Variants in MCC observed in about 807,000 individuals in gnomAD.
MCC encodes the protein colorectal mutant cancer protein.
A neutral mutation model predicts 116.2 loss-of-function variants in MCC; 90 were observed. The observed-to-expected ratio is 0.77, with a 90% CI of 0.65 to 0.92. The LOEUF (loss-of-function observed/expected upper bound fraction) is 0.92, where lower values mean the gene tolerates loss of function less well. Ranked by LOEUF, MCC falls within the 40% of genes least tolerant of loss-of-function variation. The probability of loss-of-function intolerance (pLI) is 0.00; values close to 1 mark genes in which losing one functional copy is unlikely to be tolerated. For synonymous variants in MCC, 578 were observed against 510.5 expected, an observed-to-expected ratio of 1.13 and a Z score of -1.78; for missense variants, 1,516 against 1,312.2, an observed-to-expected ratio of 1.16 and a Z score of -2.40.
intron 2 of MCC, among the ~76,000 whole-genome samples, chr5:113,344,309 G>A (rs1398288098): frequency 6.6e-5 from 10 of 152,176 alleles, no homozygotes; most frequent in Non-Finnish European, 1.5e-4. Flanking sequence ...CCTTGCCACC[G>A]TGGGCTAAAG....
At position 113,043,588 on chromosome 5, in the gene MCC, G is replaced by A. The variant is rs749479130; in HGVS notation, c.2698C>T (p.Leu900Phe). ...AASPALSLAE[L>F]RTTCSENELA... The stretch of plus-strand genomic sequence containing the variant: ...TCATTCTCGCTGCACGTTGTCCTGA[G>A]TTCGGCTAGGGACAGAGCTGGGGAG... Residue 900 changes from leucine to phenylalanine, a missense_variant, in exon 17 of 19, where the codon CTC becomes TTC. By Grantham distance (22) the Leu-to-Phe change is conservative. Coordinates refer to ENST00000408903, the MANE Select transcript of MCC (RefSeq NM_001085377.2). 6.2e-7 allele frequency: 1 copy of A among 1,614,222 alleles called. No homozygotes were observed. The highest frequency in any genetic ancestry group is 8.5e-7 in the Non-Finnish European group (1 of 1,180,028).
chr5:113,422,542 C>T (rs887084187), intron 1 of MCC, among the ~76,000 whole-genome samples: 1 of 152,158 alleles, frequency 6.6e-6, no homozygotes, highest in African/African-American at 2.4e-5. Flanking sequence ...CAAGCAAGTA[C>T]GAGCCAGCTC....
intron 1 of MCC, among the ~76,000 whole-genome samples, chr5:113,388,262 T>G (rs1233219126): frequency 1.3e-5 from 2 of 152,224 alleles, no homozygotes; most frequent in Non-Finnish European, 2.9e-5. Context: ...TTGTAAGTTT[T>G]AAATAGAAGT....
chr5:113,228,757 G>A (rs912106491), intron 3 of MCC, among the ~76,000 whole-genome samples: 1 of 152,134 alleles, frequency 6.6e-6, no homozygotes, highest in Non-Finnish European at 1.5e-5. Flanking sequence ...GGTAAGGATG[G>A]ATGCAGAGAC....
At chr5:113,377,980 G>A (rs1046447802) in intron 2 of MCC, among the ~76,000 whole-genome samples, 2 of 152,142 alleles carry the variant, frequency 1.3e-5, no homozygotes, top group Admixed American at 1.3e-4. Context: ...TGTGACTTGA[G>A]TCTGGTTTTA....
chr5:113,439,034 C>T (rs907367519), intron 1 of MCC, among the ~76,000 whole-genome samples: 1 of 152,218 alleles, frequency 6.6e-6, no homozygotes, highest in East Asian at 1.9e-4. Context: ...GAGCACAGTT[C>T]CTGAAACCAA....
intron 6 of MCC, among the ~76,000 whole-genome samples, chr5:113,120,082 A>T (rs1757645747): frequency 6.6e-6 from 1 of 152,240 alleles, no homozygotes; most frequent in African/African-American, 2.4e-5. Context: ...AATTTGAGAG[A>T]AGTGAATGGC....
chr5:113,106,335 C>A (rs1756728626), intron 6 of MCC, among the ~76,000 whole-genome samples: 1 of 70,888 alleles, frequency 1.4e-5, no homozygotes, highest in African/African-American at 6.0e-5. Context: ...ACACTCCTTC[C>A]CCTCATTCAC....
chr5:113,280,083 C>G (rs1765982900), intron 3 of MCC, among the ~76,000 whole-genome samples: 1 of 152,246 alleles, frequency 6.6e-6, no homozygotes, highest in African/African-American at 2.4e-5. Flanking sequence ...ACACTGATCT[C>G]TTCTCTTCCT....
chr5:113,259,009 A>C (rs1765124081), intron 3 of MCC, among the ~76,000 whole-genome samples: 1 of 152,202 alleles, frequency 6.6e-6, no homozygotes, highest in Non-Finnish European at 1.5e-5. Flanking sequence ...AAAGCTCTTT[A>C]AGTGATCTAT....
chr5:113,298,482 C>A (rs1023578908), intron 3 of MCC, among the ~76,000 whole-genome samples: 1 of 152,182 alleles, frequency 6.6e-6, no homozygotes, highest in Non-Finnish European at 1.5e-5. Context: ...ATGCACAATT[C>A]TTTCCATAAA....
intron 6 of MCC, among the ~76,000 whole-genome samples, chr5:113,106,895 C>T (rs1440469187): frequency 2.0e-5 from 3 of 152,228 alleles, no homozygotes; most frequent in Non-Finnish European, 2.9e-5. Flanking sequence ...CAAATGCTAT[C>T]TCCCCAACAA....
intron 18 of MCC, among the ~76,000 whole-genome samples, chr5:113,028,134 A>G (rs6881426): frequency 0.035 from 5,404 of 152,278 alleles, 142 homozygotes; most frequent in African/African-American, 0.075. Context: ...AGATAGTCTG[A>G]GGACTCACCC....
rs1446352881 is a variant in MCC at position 113,431,706 on chromosome 5, AAC to A, written c.171-46496_171-46495del. Among the ~76,000 whole-genome samples, 14 of 140,228 alleles carry A rather than the reference AAC, an allele frequency of 1.0e-4. No homozygotes were observed. In the East Asian group the frequency reaches 3.4e-3, roughly 34 times the overall value. 92.0% of individuals were successfully genotyped at this position (140,228 alleles called of 152,430 possible). A position where few individuals can be genotyped will look rare whatever the true frequency, so the allele number is the denominator to read the frequency against. On this transcript the variant is annotated intron_variant, in intron 1 of 18. Coordinates refer to ENST00000408903, the MANE Select transcript of MCC (RefSeq NM_001085377.2). The stretch of plus-strand genomic sequence containing the variant: ...ACCTTGAGGCTGTAGTTTAAAAGCT[AAC>A]AGTGTGGCCAGGCGCGGTGGCTCAC...
At chr5:113,028,473 G>A (rs2150205622) in intron 18 of MCC, among the ~76,000 whole-genome samples, 1 of 152,084 alleles carries the variant, frequency 6.6e-6, no homozygotes, top group East Asian at 1.9e-4. Context: ...ACAACTTACA[G>A]GAACAAAAGC....
rs1480996383 is a variant in MCC, at chr5:113,327,561, A to AAAAAAATATAT, written c.627+12957_627+12958insATATATTTTTT. ...ACTCAGTCTCAAAAAAAAAAAAAAA[A>AAAAAAATATAT]ATATATATATATATATATATATATA... On this transcript the variant is annotated intron_variant, in intron 3 of 18. Coordinates refer to ENST00000408903, the MANE Select transcript of MCC (RefSeq NM_001085377.2). Among the ~76,000 whole-genome samples, 82 of 80,524 alleles carry AAAAAAATATAT rather than the reference A, an allele frequency of 1.0e-3. 1 individual carries two copies. The highest frequency in any genetic ancestry group is 1.5e-3 in the Non-Finnish European group (62 of 40,374). 52.8% of individuals were successfully genotyped at this position (80,524 alleles called of 152,430 possible).
At chr5:113,053,986 A>T (rs753547447) in intron 14 of MCC, 27 bp from the exon 15 acceptor site, 1 of 1,527,812 alleles carries the variant, frequency 6.5e-7, no homozygotes, top group Non-Finnish European at 9.1e-7. Context: ...ACAAAGACCC[A>T]CCACCCTGTG....
At chr5:113,293,641 G>A (rs190258838) in intron 3 of MCC, among the ~76,000 whole-genome samples, 1 of 152,328 alleles carries the variant, frequency 6.6e-6, no homozygotes, top group Non-Finnish European at 1.5e-5. Flanking sequence ...AGTGTTTGAT[G>A]TAGCTTTAAT....
chr5:113,211,747 G>A (rs532502199), intron 3 of MCC, among the ~76,000 whole-genome samples: 1 of 152,274 alleles, frequency 6.6e-6, no homozygotes, highest in South Asian at 2.1e-4. Flanking sequence ...ACTACTGGAG[G>A]TTATCCTAAA....
Sources: allele counts gnomAD v4.1 joint callset (sites outside exome capture counted in the v4.1 genomes callset), GRCh38; gene constraint gnomAD v4.1.1; transcripts MANE v1.5; gene names NCBI Gene and HGNC (gene_info 2026-07-23, HGNC 2026-07-21).